Variants in SON observed in about 807,000 individuals in gnomAD.
SON encodes protein SON.
A neutral mutation model predicts 173.3 loss-of-function variants in SON; 4 were observed. The observed-to-expected ratio is 0.02, with a 90% CI of 0.01 to 0.05. SON has a LOEUF of 0.05. Among genes scored for constraint, SON ranks in the 10% least tolerant of loss-of-function variants. The pLI, the probability that SON is intolerant of heterozygous loss-of-function variation, is 1.00. For missense variants in SON, 2,626 were observed against 3,055.3 expected, an observed-to-expected ratio of 0.86 and a Z score of 3.31; for synonymous variants, 1,190 against 1,105.9, an observed-to-expected ratio of 1.08 and a Z score of -1.51.
In SON at chr21:33,551,471, C is replaced by G; in HGVS notation, c.2240C>G (p.Ala747Gly). 1 of 1,614,154 alleles carries G rather than the reference C, an allele frequency of 6.2e-7. No homozygotes were observed. The highest frequency in any genetic ancestry group is 8.5e-7 in the Non-Finnish European group (1 of 1,179,992). The change falls in exon 3 of 12, where the codon GCA (alanine) becomes GGA (glycine). Residue 747 changes from alanine (A) to glycine (G), a missense_variant. By Grantham distance (60) the Ala-to-Gly change is moderately conservative (BLOSUM62 0). Coordinates refer to ENST00000356577, the MANE Select transcript of SON (RefSeq NM_138927.4). ...ASNTMDSQML[A>G]SNTMDSQMLA... ...AACACCATGGACTCCCAGATGCTAG[C>G]ATCCAACACCATGGACTCCCAGATG...
chr21:33,571,805 C>A (rs992753110), intron 8 of SON: 2 of 152,604 alleles, frequency 1.3e-5, no homozygotes, highest in African/African-American at 4.8e-5. Context: ...AAAAGACATT[C>A]TAGGTGTGTA....
intron 2 of SON, among the ~76,000 whole-genome samples, chr21:33,547,772 T>TG (rs1601254535): frequency 7.3e-6 from 1 of 137,162 alleles, no homozygotes; most frequent in Non-Finnish European, 1.5e-5. Flanking sequence ...TGGAGTGCAG[T>TG]GGGGTGATCT....
At chr21:33,573,870 CT>C (rs1377865385) in intron 9 of SON, among the ~76,000 whole-genome samples, 1 of 276 alleles carries the variant, frequency 3.6e-3, no homozygotes, top group East Asian at 0.083. Flanking sequence ...TATTACAATA[CT>C]GGTTTAGTCT....
In SON at chr21:33,573,069, A is replaced by G. The variant is rs368770794; in HGVS notation, c.6886-239A>G. Reference sequence around the variant, plus strand: ...TTTTTTTGAGGGGGGCACGAGGGCTACTGTTTCAAAACTGCCATTTACTTG... The same window carrying G: ...TTTTTTTGAGGGGGGCACGAGGGCTGCTGTTTCAAAACTGCCATTTACTTG... On this transcript the variant is annotated intron_variant, in intron 8 of 11. Coordinates refer to ENST00000356577, the MANE Select transcript of SON (RefSeq NM_138927.4). 35 of 373,628 alleles carry G rather than the reference A, an allele frequency of 9.4e-5. 1 individual carries two copies. Among genetic ancestry groups the G allele is most frequent in the Admixed American group, 6.8e-4 (16 of 23,636 alleles). The allele number at this position is 373,628 out of a possible 1,614,324, so 23.1% of individuals were successfully genotyped here. A position where few individuals can be genotyped will look rare whatever the true frequency, so the allele number is the denominator to read the frequency against.
chr21:33,563,756 T>C (rs1272015733), intron 6 of SON, among the ~76,000 whole-genome samples: 3 of 152,198 alleles, frequency 2.0e-5, no homozygotes, highest in Non-Finnish European at 4.4e-5. Context: ...CTTAAATGTA[T>C]TAATATAGGT....
In SON at chr21:33,554,108, A is replaced by G. The variant is rs2085893720; in HGVS notation, c.4877A>G (p.Tyr1626Cys). 6.2e-7 allele frequency: 1 copy of G among 1,613,526 alleles called. No individual in the cohort carries two copies. ...TCTACTCTCAGTTTAGTTAATAAATATGATGTTGATTTATCTTTAACTACT... is the reference window on the plus strand; with the variant it reads ...TCTACTCTCAGTTTAGTTAATAAATGTGATGTTGATTTATCTTTAACTACT... Reference protein sequence around the residue: ...TASTLSLVNKYDVDLSLTTQD... With the variant: ...TASTLSLVNKCDVDLSLTTQD... The change falls in exon 3 of 12, where the codon TAT becomes TGT. Residue 1626 changes from tyrosine to cysteine, a missense_variant. This residue lies in a region of SON where 1,006 missense variants were observed against 895.6 expected (regional missense o/e 1.12). Coordinates refer to ENST00000356577, the MANE Select transcript of SON (RefSeq NM_138927.4).
chr21:33,565,814 C>T (rs1315579304), intron 6 of SON, among the ~76,000 whole-genome samples: 1 of 152,062 alleles, frequency 6.6e-6, no homozygotes, highest in Non-Finnish European at 1.5e-5. Context: ...ATTTTGTTTT[C>T]ATTTTAAGAA....
intron 3 of SON, 43 bp from the exon 4 acceptor site, chr21:33,557,113 C>T (rs769876179): frequency 6.4e-7 from 1 of 1,569,512 alleles, no homozygotes; most frequent in Non-Finnish European, 8.6e-7. Context: ...ACAAAATGTA[C>T]AGTCTTTTAG....
In SON at chr21:33,554,368, A is replaced by G; in HGVS notation, c.5137A>G (p.Lys1713Glu). The G allele has an allele frequency of 6.2e-7, 1 of 1,614,182 alleles. No homozygotes were observed. Among genetic ancestry groups the G allele is most frequent in the East Asian group, 2.2e-5 (1 of 44,882 alleles). The change falls in exon 3 of 12, where the codon AAA (lysine) becomes GAA (glutamate). Residue 1713 changes from lysine to glutamate, a missense_variant. By Grantham distance (56) the Lys-to-Glu change is moderately conservative. Around this residue, in one of 13 missense-constraint regions of SON, gnomAD observed 1,006 missense variants for 895.6 expected, o/e 1.12. Coordinates refer to ENST00000356577, the MANE Select transcript of SON (RefSeq NM_138927.4). Reference sequence around the variant, plus strand: ...AGAAAAAGAAGTACCTCCCCCTCCTAAAGAGACACTGCCTGATTCAGGATT... The same window carrying G: ...AGAAAAAGAAGTACCTCCCCCTCCTGAAGAGACACTGCCTGATTCAGGATT... ...GGEKEVPPPPKETLPDSGFSA... is the reference protein window; with the variant it reads ...GGEKEVPPPPEETLPDSGFSA...
chr21:33,547,500 G>T (rs1297679330), intron 2 of SON, among the ~76,000 whole-genome samples: 1 of 152,180 alleles, frequency 6.6e-6, no homozygotes, highest in African/African-American at 2.4e-5. Flanking sequence ...TTTGTAATAT[G>T]GTTGGTTTGT....
At chr21:33,570,298 G>C (rs2086256208) in intron 8 of SON, 1 of 152,146 alleles carries the variant, frequency 6.6e-6, no homozygotes, top group African/African-American at 2.4e-5. Flanking sequence ...GCCAGTGAAT[G>C]AGCTGAATTT....
At chr21:33,574,203 G>C (rs994428639) in intron 9 of SON, among the ~76,000 whole-genome samples, 5 of 152,206 alleles carry the variant, frequency 3.3e-5, no homozygotes, top group African/African-American at 1.2e-4. Context: ...AGCTCAGTAT[G>C]ATTTTTGTAT....
chr21:33,559,109 A>G lies in SON; in HGVS notation c.6322-121A>G, dbSNP rs538756468. ...AGTTAATATGCCAAGTTACGTATCT[A>G]TAACCTATCATGAATCTTGTTTAAC... On this transcript the variant is annotated intron_variant, in intron 4 of 11. Transcript: ENST00000356577. This position sits in a 1 kb window ranked among gnomAD's most constrained non-coding sequence, Gnocchi z 4.1. 4.5e-4 allele frequency: 343 copies of G among 761,766 alleles called. No homozygotes were observed. The highest frequency in any genetic ancestry group is 3.9e-3 in the South Asian group (183 of 47,514). The allele number at this position is 761,766 out of a possible 1,614,324, so 47.2% of individuals were successfully genotyped here.
Position 33,555,027 on chromosome 21 carries a change from T to C in SON, c.5796T>C (p.His1932=). ...SRTPSRRSRS[H]TPSRRRRSRS... ...CCCCAAGTCGTCGGAGTCGGAGTCA[T>C]ACTCCAAGTCGTCGACGAAGGTCTA... Residue 1932 remains histidine, a synonymous_variant, in exon 3 of 12, where the codon CAT becomes CAC. Coordinates refer to ENST00000356577, the MANE Select transcript of SON (RefSeq NM_138927.4). 1 of 1,613,048 alleles carries C rather than the reference T, an allele frequency of 6.2e-7. No homozygotes were observed. The highest frequency in any genetic ancestry group is 2.2e-5 in the East Asian group (1 of 44,876).
intron 11 of SON, 85 bp from the exon 12 acceptor site, chr21:33,576,280 A>AT: frequency 1.3e-6 from 1 of 761,768 alleles, no homozygotes; most frequent in Non-Finnish European, 2.4e-6. Context: ...TTTGTAAATT[A>AT]TTTTTCTAGC....
intron 1 of SON, 168 bp downstream of exon 1, chr21:33,543,337 C>T (rs1029774981): frequency 4.7e-6 from 3 of 635,510 alleles, no homozygotes; most frequent in South Asian, 1.8e-5. Context: ...CCCCCCCAGC[C>T]GCTCCCTTCC....
chr21:33,569,172 C>G (rs1387503083), intron 8 of SON, 85 bp downstream of exon 8: 2 of 767,436 alleles, frequency 2.6e-6, no homozygotes, highest in Non-Finnish European at 4.5e-6. Context: ...ATGAAAAGAC[C>G]AGTGACTCTA....
In SON at chr21:33,577,070, TAAA is replaced by T. The variant is rs1277944479; in HGVS notation, c.*649_*651del. The T allele has an allele frequency of 1.9e-5, 3 of 160,234 alleles. No homozygotes were observed. Among genetic ancestry groups the T allele is most frequent in the Non-Finnish European group, 4.2e-5 (3 of 71,738 alleles). The allele number at this position is 160,234 out of a possible 1,614,324, so 9.9% of individuals were successfully genotyped here. ...TCCCCTCAAAATTTTGTAGAGGTTCTAAAAAGAAAGTGGTATGTTGTGTGATGA... is the reference window on the plus strand; with the variant it reads ...TCCCCTCAAAATTTTGTAGAGGTTCTAAGAAAGTGGTATGTTGTGTGATGA... On this transcript the variant is annotated 3_prime_UTR_variant, in exon 12 of 12. Coordinates refer to ENST00000356577, the MANE Select transcript of SON (RefSeq NM_138927.4).
intron 8 of SON, chr21:33,569,409 G>A: frequency 1.8e-5 from 6 of 342,276 alleles, no homozygotes; most frequent in South Asian, 1.5e-4. Flanking sequence ...GTTCCTGCTG[G>A]ACTACTAACC....
Sources: gnomAD v4.1 joint callset for allele counts (sites outside exome capture counted in the v4.1 genomes callset) on GRCh38, gnomAD v4.1.1 for gene constraint, gnomAD v4.1.1 regional missense constraint, Gnocchi (gnomAD v3.1) non-coding constraint, MANE v1.5 for transcripts, NCBI Gene and HGNC (gene_info 2026-07-23, HGNC 2026-07-21) for gene names.